DLC1: variants seen among roughly 807,000 people sequenced by gnomAD.
The protein encoded by DLC1 is rho GTPase-activating protein 7.
DLC1 carries 54 observed loss-of-function variants against 140.3 expected under a neutral mutation model. The ratio of observed to expected loss-of-function variants is 0.38; its 90% CI spans 0.31 to 0.48. DLC1 has a LOEUF of 0.48. DLC1 is among the 20% of genes least tolerant of loss of function. DLC1 has a pLI of 0.96. For missense variants in DLC1, 2,536 were observed against 1,907.0 expected, an observed-to-expected ratio of 1.33 and a Z score of -6.14; for synonymous variants, 986 against 728.1, an observed-to-expected ratio of 1.35 and a Z score of -5.70.
chr8:13,304,489 A>G (rs929646498), intron 5 of DLC1: 1 of 222,822 alleles, frequency 4.5e-6, no homozygotes, highest in Non-Finnish European at 7.5e-6. Context: ...CCCGCCAGAC[A>G]AACTCTACTG....
intron 5 of DLC1, among the ~76,000 whole-genome samples, chr8:13,293,532 C>T (rs1485787567): frequency 1.1e-4 from 17 of 152,268 alleles, no homozygotes; most frequent in Admixed American, 1.0e-3. Flanking sequence ...GCCAAATAAA[C>T]AGATTGATTC....
intron 4 of DLC1, among the ~76,000 whole-genome samples, chr8:13,360,900 C>A (rs1159920486): frequency 6.7e-6 from 1 of 149,826 alleles, no homozygotes. Context: ...TTCTTTTTCA[C>A]CTTAATATTA....
chr8:13,550,345 G>C (rs182278303), intron 1 of DLC1, among the ~76,000 whole-genome samples: 336 of 152,196 alleles, frequency 2.2e-3, no homozygotes, highest in Non-Finnish European at 3.4e-3. Context: ...ATAATTGTAA[G>C]TTTCCTGAGG....
intron 2 of DLC1, among the ~76,000 whole-genome samples, chr8:13,461,068 G>C (rs1799634152): frequency 6.6e-6 from 1 of 152,134 alleles, no homozygotes; most frequent in Non-Finnish European, 1.5e-5. Context: ...AAATTAGCTG[G>C]GCATGGTGGT....
At chr8:13,236,448 A>T (rs1053157857) in intron 5 of DLC1, among the ~76,000 whole-genome samples, 2 of 152,122 alleles carry the variant, frequency 1.3e-5, no homozygotes, top group African/African-American at 2.4e-5. Context: ...TGAATCTTAA[A>T]ATCTCTTATT....
At chr8:13,165,735 G>A (rs1408624284) in intron 5 of DLC1, among the ~76,000 whole-genome samples, 2 of 152,130 alleles carry the variant, frequency 1.3e-5, no homozygotes, top group African/African-American at 4.8e-5. Flanking sequence ...CCCCTACTCT[G>A]GTGAAAAGGG....
intron 4 of DLC1, among the ~76,000 whole-genome samples, chr8:13,306,379 C>A (rs774898710): frequency 6.6e-6 from 1 of 152,126 alleles, no homozygotes; most frequent in South Asian, 2.1e-4. Flanking sequence ...CAGTTACTCA[C>A]GTATAAAATA....
rs71207139 is a variant in DLC1, at chr8:13,312,386, A to AAAAAAAAAAAAAAAAAT, written c.1315-7085_1315-7084insATTTTTTTTTTTTTTTT. Among the ~76,000 whole-genome samples the AAAAAAAAAAAAAAAAAT allele has an allele frequency of 6.3e-3, 513 of 81,642 alleles. 12 individuals are homozygous for AAAAAAAAAAAAAAAAAT. Among genetic ancestry groups the AAAAAAAAAAAAAAAAAT allele is most frequent in the Non-Finnish European group, 9.7e-3 (387 of 39,852 alleles). The allele number at this position is 81,642 out of a possible 152,430, so 53.6% of individuals were successfully genotyped here. ...AAAAAAAAAAAAAAAAAAAAAAAAA[A>AAAAAAAAAAAAAAAAAT]AATAATTTCTTTAGCAAGCTAGATA... On this transcript the variant is annotated intron_variant, in intron 4 of 17. Coordinates refer to ENST00000276297, the MANE Select transcript of DLC1 (RefSeq NM_182643.3).
chr8:13,215,971 T>C (rs914631477), intron 5 of DLC1, among the ~76,000 whole-genome samples: 2 of 152,152 alleles, frequency 1.3e-5, no homozygotes, highest in Non-Finnish European at 2.9e-5. Context: ...TACCCACTCA[T>C]GGTGTTTCCC....
At chr8:13,231,622 A>C (rs969207615) in intron 5 of DLC1, among the ~76,000 whole-genome samples, 1 of 152,204 alleles carries the variant, frequency 6.6e-6, no homozygotes, top group African/African-American at 2.4e-5. Context: ...GTGCATTGCA[A>C]GTCAAAGATT....
At chr8:13,232,036 G>A (rs1009780742) in intron 5 of DLC1, among the ~76,000 whole-genome samples, 1 of 152,058 alleles carries the variant, frequency 6.6e-6, no homozygotes, top group Admixed American at 6.6e-5. Context: ...AGCCATCCAT[G>A]GCTTCTCAGT....
At chr8:13,537,945 C>G (rs570650309) in intron 1 of DLC1, among the ~76,000 whole-genome samples, 1 of 152,076 alleles carries the variant, frequency 6.6e-6, no homozygotes, top group Non-Finnish European at 1.5e-5. Context: ...TGAGCCACCG[C>G]ACCCGGCCAG....
chr8:13,365,765 T>C (rs1240328062), intron 4 of DLC1, among the ~76,000 whole-genome samples: 1 of 152,106 alleles, frequency 6.6e-6, no homozygotes, highest in East Asian at 1.9e-4. Flanking sequence ...AATAGGGTTG[T>C]TATTTAAAAA....
intron 5 of DLC1, among the ~76,000 whole-genome samples, chr8:13,188,839 ATATATTTTTT>A (rs1563149836): frequency 2.3e-3 from 62 of 27,294 alleles, no homozygotes; most frequent in African/African-American, 6.9e-3. Flanking sequence ...ATATATATAT[ATATATTTTTT>A]TTTTTTTTTT....
intron 1 of DLC1, among the ~76,000 whole-genome samples, chr8:13,537,991 G>A (rs1477603633): frequency 6.6e-6 from 1 of 152,094 alleles, no homozygotes. Context: ...TACGTTCCAC[G>A]CTTTGGGCTA....
chr8:13,364,543 C>T (rs528530276), intron 4 of DLC1, among the ~76,000 whole-genome samples: 5 of 152,268 alleles, frequency 3.3e-5, no homozygotes, highest in African/African-American at 9.6e-5. Context: ...GTGATCCTCC[C>T]GCCTTGGCCT....
At chr8:13,281,826 T>G (rs181421687) in intron 5 of DLC1, among the ~76,000 whole-genome samples, 1 of 152,354 alleles carries the variant, frequency 6.6e-6, no homozygotes, top group African/African-American at 2.4e-5. Context: ...TCCTTTTGAC[T>G]GCTGAATTTC....
chr8:13,561,568 C>A (rs1223069395), intron 1 of DLC1, among the ~76,000 whole-genome samples: 2 of 152,084 alleles, frequency 1.3e-5, no homozygotes, highest in Non-Finnish European at 2.9e-5. Flanking sequence ...ACATAGATGG[C>A]AAATTTATTT....
chr8:13,258,183 C>A (rs895994051), intron 5 of DLC1, among the ~76,000 whole-genome samples: 1 of 152,138 alleles, frequency 6.6e-6, no homozygotes, highest in Non-Finnish European at 1.5e-5. Flanking sequence ...ACAGTCTAAG[C>A]GTCACACTCG....
Sources: allele counts gnomAD v4.1 joint callset (sites outside exome capture counted in the v4.1 genomes callset), GRCh38; gene constraint gnomAD v4.1.1; transcripts MANE v1.5; gene names NCBI Gene and HGNC (gene_info 2026-07-23, HGNC 2026-07-21).